The following BICD2 variants were observed in gnomAD, a reference collection of about 807,000 sequenced individuals.
BICD2 encodes the protein protein bicaudal D homolog 2.
A neutral mutation model predicts 72.9 loss-of-function variants in BICD2; 25 were observed. The observed-to-expected ratio is 0.34, with a 90% CI of 0.25 to 0.48. The LOEUF (loss-of-function observed/expected upper bound fraction) is 0.48, where lower values mean the gene tolerates loss of function less well. Ranked by LOEUF, BICD2 falls within the 20% of genes least tolerant of loss-of-function variation. The pLI, the probability that BICD2 is intolerant of heterozygous loss-of-function variation, is 0.99. For missense variants in BICD2, 894 were observed against 1,175.2 expected (o/e 0.76, Z 3.50); for synonymous variants, 501 against 516.1 (o/e 0.97, Z 0.40).
rs770335133 is a variant in BICD2, at chr9:92,717,886, G to C, written c.2169C>G (p.Thr723=). 6.2e-7 allele frequency: 1 copy of C among 1,613,450 alleles called. No individual in the cohort carries two copies. Among genetic ancestry groups the C allele is most frequent in the South Asian group, 1.1e-5 (1 of 91,048 alleles). ...SKYENEKAMV[T]ETMMKLRNEL... ...CATTGCGCAGCTTCATCATGGTCTC[G>C]GTAACCATGGCCTTCTCATTCTCAT... Residue 723 remains threonine, a synonymous_variant, in exon 6 of 7, where the codon ACC becomes ACG. Transcript: ENST00000356884.
At chr9:92,739,022 G>T (rs926807443) in intron 1 of BICD2, among the ~76,000 whole-genome samples, 2 of 152,164 alleles carry the variant, frequency 1.3e-5, no homozygotes, top group African/African-American at 4.8e-5. Context: ...GCGGGCCTGG[G>T]CATCCCAGGA....
chr9:92,732,091 G>A (rs749540323), intron 1 of BICD2, among the ~76,000 whole-genome samples: 3 of 152,148 alleles, frequency 2.0e-5, no homozygotes, highest in East Asian at 3.8e-4. Flanking sequence ...CTGGCATCCC[G>A]TCACTTACCA....
intron 1 of BICD2, among the ~76,000 whole-genome samples, chr9:92,755,559 T>G (rs1165053252): frequency 1.3e-5 from 2 of 152,220 alleles, no homozygotes; most frequent in Non-Finnish European, 2.9e-5. Context: ...AATTTCTCTC[T>G]TTTGTACTCT....
At chr9:92,751,807 T>A (rs1371923480) in intron 1 of BICD2, among the ~76,000 whole-genome samples, 4 of 76,568 alleles carry the variant, frequency 5.2e-5, no homozygotes, top group African/African-American at 7.5e-5. Flanking sequence ...ACTAACTGCA[T>A]TTTTTTTTTT....
chr9:92,762,283 T>G (rs539240371), intron 1 of BICD2, among the ~76,000 whole-genome samples: 3 of 152,060 alleles, frequency 2.0e-5, no homozygotes, highest in Non-Finnish European at 2.9e-5. Context: ...CTGGCCATAA[T>G]TAAATAGGTT....
At position 92,720,879 on chromosome 9, in the gene BICD2, G is replaced by A. The variant is rs1015972566; in HGVS notation, c.607-124C>T. On this transcript the variant is annotated intron_variant, in intron 3 of 6. Coordinates refer to ENST00000356884, the MANE Select transcript of BICD2 (RefSeq NM_001003800.2). This position sits in a 1 kb window ranked among gnomAD's most constrained non-coding sequence, Gnocchi z 5.4. ...CTATGAAGCAAAAGATGAAGCGCCA[G>A]GTGAGGTGCCATCCTGGGAAGGGTG... is the stretch of plus-strand genomic sequence containing the variant. The A allele has an allele frequency of 1.6e-5, 16 of 1,026,228 alleles. No homozygotes were observed. Among genetic ancestry groups the A allele is most frequent in the Non-Finnish European group, 2.2e-5 (16 of 719,784 alleles). 63.6% of individuals were successfully genotyped at this position (1,026,228 alleles called of 1,614,324 possible).
rs993562523 is a variant in BICD2, at chr9:92,714,592, T to C, written c.*562A>G. On this transcript the variant is annotated 3_prime_UTR_variant, in exon 7 of 7. Coordinates refer to ENST00000356884, the MANE Select transcript of BICD2 (RefSeq NM_001003800.2). ...TTCTCTGGGCTTGGGGAAGAAATTC[T>C]GCACTTCTTTCCTGAATATGATTTG... The C allele has an allele frequency of 6.1e-6, 6 of 985,514 alleles. No individual in the cohort carries two copies. Among genetic ancestry groups the C allele is most frequent in the Non-Finnish European group, 7.2e-6 (6 of 830,074 alleles). 61.0% of individuals were successfully genotyped at this position (985,514 alleles called of 1,614,324 possible).
Position 92,720,167 on chromosome 9 carries a change from A to T in BICD2, c.1062+133T>A, listed in dbSNP as rs1853430282. ...TGCTCCTGGAGTTCCATTTACCGTA[A>T]TGATGCAGGAGATAAAATCAACGTA... is the stretch of plus-strand genomic sequence containing the variant. On this transcript the variant is annotated intron_variant, in intron 4 of 6. Coordinates refer to ENST00000356884, the MANE Select transcript of BICD2 (RefSeq NM_001003800.2). This position sits in a 1 kb window ranked among gnomAD's most constrained non-coding sequence, Gnocchi z 5.4. 4.2e-6 allele frequency: 4 copies of T among 957,350 alleles called. No homozygotes were observed. The East Asian group carries it at 1.1e-4, about 25-fold the overall frequency. 59.3% of individuals were successfully genotyped at this position (957,350 alleles called of 1,614,324 possible).
chr9:92,735,145 A>C (rs1220227270), intron 1 of BICD2, among the ~76,000 whole-genome samples: 2 of 152,186 alleles, frequency 1.3e-5, no homozygotes, highest in African/African-American at 4.8e-5. Context: ...GTGTGAGGTC[A>C]CCACCAGCCA....
intron 1 of BICD2, among the ~76,000 whole-genome samples, chr9:92,752,428 G>C (rs557504280): frequency 1.3e-5 from 2 of 152,178 alleles, no homozygotes; most frequent in South Asian, 2.1e-4. Context: ...GGAGCAATTT[G>C]AGCAACAAAA....
At chr9:92,752,258 T>C (rs529237201) in intron 1 of BICD2, among the ~76,000 whole-genome samples, 2 of 151,608 alleles carry the variant, frequency 1.3e-5, no homozygotes, top group South Asian at 4.2e-4. Context: ...TTGGGGTAAA[T>C]AGCTGATTCT....
At position 92,728,948 on chromosome 9, in the gene BICD2, C is replaced by A. The variant is rs1007313052; in HGVS notation, c.453+76G>T. 613 of 1,521,906 alleles carry A rather than the reference C, an allele frequency of 4.0e-4. 2 individuals carry two copies. The highest frequency in any genetic ancestry group is 6.4e-4 in the Middle Eastern group (3 of 4,652). 94.3% of individuals were successfully genotyped at this position (1,521,906 alleles called of 1,614,324 possible). On this transcript the variant is annotated intron_variant, in intron 2 of 6. Coordinates refer to ENST00000356884, the MANE Select transcript of BICD2 (RefSeq NM_001003800.2). Reference sequence around the variant, plus strand: ...CCCAGAGGCCAGCCCAGCCCAGCCACCCACCAGGCACACCTGCTATGTGAC... The same window carrying A: ...CCCAGAGGCCAGCCCAGCCCAGCCAACCACCAGGCACACCTGCTATGTGAC...
At chr9:92,744,867 A>T (rs1466427929) in intron 1 of BICD2, among the ~76,000 whole-genome samples, 2 of 152,170 alleles carry the variant, frequency 1.3e-5, no homozygotes, top group African/African-American at 4.8e-5. Context: ...AAAAAGGAAA[A>T]GCTGCAGAAT....
rs754613422 is a variant in BICD2, at chr9:92,718,554, G to A, written c.2091C>T (p.Leu697=). Residue 697 remains leucine, a synonymous_variant, in exon 5 of 7, where the codon CTC becomes CTT. Coordinates refer to ENST00000356884, the MANE Select transcript of BICD2 (RefSeq NM_001003800.2). The part of the protein sequence containing the change: ...REQITTLRTV[L]KANKQTAEVA... Reference sequence around the variant, plus strand: ...GGCACCTCACCTGCTTGTTGGCCTTGAGCACAGTGCGCAGCGTGGTGATCT... The same window carrying A: ...GGCACCTCACCTGCTTGTTGGCCTTAAGCACAGTGCGCAGCGTGGTGATCT... The A allele has an allele frequency of 5.0e-6, 8 of 1,610,896 alleles. No individual in the cohort carries two copies. Among genetic ancestry groups the A allele is most frequent in the Non-Finnish European group, 5.1e-6 (6 of 1,178,628 alleles).
rs1333293839 is a variant in BICD2 at position 92,714,330 on chromosome 9, T to A, written c.*824A>T. 1 of 985,342 alleles carries A rather than the reference T, an allele frequency of 1.0e-6. No individual in the cohort carries two copies. Among genetic ancestry groups the A allele is most frequent in the Non-Finnish European group, 1.2e-6 (1 of 829,966 alleles). The allele number at this position is 985,342 out of a possible 1,614,324, so 61.0% of individuals were successfully genotyped here. ...AATTGGCTGCTGGGGTCACCCCAAG[T>A]ACAAAAGGACGGGCTCTGCACTAAG... On this transcript the variant is annotated 3_prime_UTR_variant, in exon 7 of 7. Coordinates refer to ENST00000356884, the MANE Select transcript of BICD2 (RefSeq NM_001003800.2).
intron 1 of BICD2, among the ~76,000 whole-genome samples, chr9:92,744,992 CAT>C (rs1853979869): frequency 6.6e-6 from 1 of 152,152 alleles, no homozygotes; most frequent in South Asian, 2.1e-4. Flanking sequence ...CCAAACCAAA[CAT>C]ATCACAGGGA....
At chr9:92,743,633 C>T (rs1414759471) in intron 1 of BICD2, among the ~76,000 whole-genome samples, 1 of 152,136 alleles carries the variant, frequency 6.6e-6, no homozygotes, top group Non-Finnish European at 1.5e-5. Context: ...GAGGAAGAAA[C>T]TAAGGCTCCA....
rs147458098 is a variant in BICD2 at position 92,723,486 on chromosome 9, C to T, written c.454-678G>A. 6.5e-4 allele frequency among the ~76,000 whole-genome samples: 99 copies of T among 152,326 alleles called. No homozygotes were observed. In the East Asian group the frequency reaches 9.8e-3, roughly 15 times the overall value. ...CGAGAGGCCATGCATTATATGATTC[C>T]ATTTCCATGAAATATCCAGAATAGG... On this transcript the variant is annotated intron_variant, in intron 2 of 6. Coordinates refer to ENST00000356884, the MANE Select transcript of BICD2 (RefSeq NM_001003800.2).
chr9:92,763,528 T>C (rs1019201433), intron 1 of BICD2, among the ~76,000 whole-genome samples: 3 of 152,106 alleles, frequency 2.0e-5, no homozygotes, highest in African/African-American at 7.2e-5. Flanking sequence ...CAAAGCCACA[T>C]CACTAGCAAG....
Sources: allele counts gnomAD v4.1 joint callset (sites outside exome capture counted in the v4.1 genomes callset), GRCh38; gene constraint gnomAD v4.1.1; non-coding constraint Gnocchi (gnomAD v3.1); transcripts MANE v1.5; gene names NCBI Gene and HGNC (gene_info 2026-07-23, HGNC 2026-07-21).